Variants in PCDHGA3 observed in about 807,000 individuals in gnomAD.
The protein encoded by PCDHGA3 is protocadherin gamma subfamily A, 3, also known as protocadherin gamma-A3.
PCDHGA3 carries 40 observed loss-of-function variants against 58.5 expected under a neutral mutation model. That is an observed-to-expected ratio of 0.68 (90% CI 0.53 to 0.89). PCDHGA3 has a LOEUF of 0.89. Among genes scored for constraint, PCDHGA3 ranks in the 40% least tolerant of loss-of-function variants. The pLI is 0.00. For synonymous variants in PCDHGA3, 530 were observed against 525.7 expected, an observed-to-expected ratio of 1.01 and a Z score of -0.11; for missense variants, 1,223 against 1,195.9, an observed-to-expected ratio of 1.02 and a Z score of -0.33.
At chr5:141,386,678 G>T (rs1376452903) in intron 1 of PCDHGA3, among the ~76,000 whole-genome samples, 2 of 152,012 alleles carry the variant, frequency 1.3e-5, no homozygotes, top group African/African-American at 4.8e-5. Context: ...CATTTCAGAT[G>T]TACAATCACT....
chr5:141,491,845 G>A lies in PCDHGA3; in HGVS notation c.2425-2962G>A. 6.8e-7 allele frequency: 1 copy of A among 1,463,944 alleles called. No homozygotes were observed. The highest frequency in any genetic ancestry group is 9.0e-7 in the Non-Finnish European group (1 of 1,106,126). 90.7% of individuals were successfully genotyped at this position (1,463,944 alleles called of 1,614,324 possible). ...CTCCACCCGATTCTCGGGATCATTGGACCGTTTGCGCGAAACCAGAGTGGC... is the reference window on the plus strand; with the variant it reads ...CTCCACCCGATTCTCGGGATCATTGAACCGTTTGCGCGAAACCAGAGTGGC... On this transcript the variant is annotated intron_variant, in intron 1 of 3. Coordinates refer to ENST00000253812, the MANE Select transcript of PCDHGA3 (RefSeq NM_018916.4). This position sits in a 1 kb window ranked among gnomAD's most constrained non-coding sequence, Gnocchi z 6.9.
Position 141,344,578 on chromosome 5 carries a change from T to A in PCDHGA3, c.545T>A (p.Val182Glu). The A allele has an allele frequency of 6.2e-7, 1 of 1,614,006 alleles. No individual in the cohort carries two copies. The highest frequency in any genetic ancestry group is 8.5e-7 in the Non-Finnish European group (1 of 1,179,884). Reference sequence around the variant, plus strand: ...CCCAATGACTACTTCTCTCTGGCTGTGAATAGCGTCTCTGAGGGGGCCAAG... The same window carrying A: ...CCCAATGACTACTTCTCTCTGGCTGAGAATAGCGTCTCTGAGGGGGCCAAG... ...LSPNDYFSLAVNSVSEGAKYP... is the reference protein window; with the variant it reads ...LSPNDYFSLAENSVSEGAKYP... The change falls in exon 1 of 4, where the codon GTG becomes GAG. Residue 182 changes from valine to glutamate, a missense_variant. Val to Glu is a moderately radical substitution (Grantham distance 121, BLOSUM62 -2). Coordinates refer to ENST00000253812, the MANE Select transcript of PCDHGA3 (RefSeq NM_018916.4).
Position 141,431,948 on chromosome 5 carries a change from T to G in PCDHGA3, c.2425-62859T>G. ...AAATCTGCCCTTTAAATTAGAAAAA[T>G]CTTACGGAAATTACTATAGTTTAGT... is the stretch of plus-strand genomic sequence containing the variant. On this transcript the variant is annotated intron_variant, in intron 1 of 3. Transcript: ENST00000253812. The surrounding 1 kb of genome is among the most constrained non-coding windows in gnomAD (Gnocchi z 4.8). The G allele has an allele frequency of 6.2e-7, 1 of 1,614,076 alleles. No homozygotes were observed. The highest frequency in any genetic ancestry group is 8.5e-7 in the Non-Finnish European group (1 of 1,180,006).
chr5:141,394,292 G>A (rs1173905383), intron 1 of PCDHGA3: 18 of 1,613,852 alleles, frequency 1.1e-5, no homozygotes, highest in Non-Finnish European at 1.4e-5. Flanking sequence ...CTGTGACCGA[G>A]GACACGCTGC....
At chr5:141,419,886 G>C (rs1195529127) in intron 1 of PCDHGA3, 1 of 1,614,076 alleles carries the variant, frequency 6.2e-7, no homozygotes, top group Non-Finnish European at 8.5e-7. Context: ...CCGGATTTCA[G>C]CGACCATCCC....
intron 1 of PCDHGA3, chr5:141,372,737 A>G (rs1451601916): frequency 6.2e-7 from 1 of 1,613,388 alleles, no homozygotes; most frequent in African/African-American, 1.3e-5. Context: ...AAGATCTTCT[A>G]TGTGATGAAG....
intron 1 of PCDHGA3, chr5:141,424,460 C>T (rs2096822106): frequency 6.6e-6 from 1 of 152,056 alleles, no homozygotes; most frequent in African/African-American, 2.4e-5. Context: ...GTATTATTTC[C>T]TTTTATTCTT....
At chr5:141,371,849 C>A (rs1323132095) in intron 1 of PCDHGA3, 1 of 1,613,660 alleles carries the variant, frequency 6.2e-7, no homozygotes, top group East Asian at 2.2e-5. Flanking sequence ...GACCTAATGG[C>A]CTTGTCTCCT....
intron 3 of PCDHGA3, among the ~76,000 whole-genome samples, chr5:141,509,420 G>A (rs1384424118): frequency 6.6e-6 from 1 of 152,128 alleles, no homozygotes; most frequent in East Asian, 1.9e-4. Context: ...GAGCCCCAAT[G>A]AGTCAAACTC....
rs752604165 is a variant in PCDHGA3, at chr5:141,494,771, G to A, written c.2425-36G>A. On this transcript the variant is annotated intron_variant, in intron 1 of 3. Coordinates refer to ENST00000253812, the MANE Select transcript of PCDHGA3 (RefSeq NM_018916.4). ...CTCGGGTGACATTCTAACTTCTCAC[G>A]GGTACTCAGCCCCTTTCCCTCTGTT... 74 of 1,613,730 alleles carry A rather than the reference G, an allele frequency of 4.6e-5. No homozygotes were observed. The East Asian group carries it at 1.6e-3, about 36-fold the overall frequency.
At chr5:141,356,773 T>C in intron 1 of PCDHGA3, 1 of 1,613,940 alleles carries the variant, frequency 6.2e-7, no homozygotes, top group Non-Finnish European at 8.5e-7. Flanking sequence ...CTATGAGCAG[T>C]TTAGAGACCT....
chr5:141,510,323 C>A (rs1173679711), intron 3 of PCDHGA3, among the ~76,000 whole-genome samples: 1 of 151,234 alleles, frequency 6.6e-6, no homozygotes, highest in East Asian at 2.0e-4. Flanking sequence ...TGGAAGAGCA[C>A]TCTTCACCCC....
At chr5:141,374,307 T>A in intron 1 of PCDHGA3, 1 of 1,613,922 alleles carries the variant, frequency 6.2e-7, no homozygotes, top group Non-Finnish European at 8.5e-7. Context: ...ATGCAGCTTT[T>A]CTCTCTGAAT....
intron 1 of PCDHGA3, chr5:141,421,219 G>T (rs894586889): frequency 1.0e-5 from 16 of 1,573,208 alleles, no homozygotes; most frequent in Non-Finnish European, 1.3e-5. Context: ...TATCGGCTTA[G>T]AGCCTGCCAT....
intron 1 of PCDHGA3, chr5:141,375,606 A>T: frequency 6.2e-7 from 1 of 1,613,922 alleles, no homozygotes; most frequent in Non-Finnish European, 8.5e-7. Context: ...GTGTCCATCA[A>T]CTCCGACACT....
At position 141,361,013 on chromosome 5, in the gene PCDHGA3, A is replaced by G. The variant is rs185853995; in HGVS notation, c.2424+14556A>G. 4.3e-6 allele frequency: 7 copies of G among 1,613,268 alleles called. No individual in the cohort carries two copies. The East Asian group carries it at 1.6e-4, about 36-fold the overall frequency. On this transcript the variant is annotated intron_variant, in intron 1 of 3. Transcript: ENST00000253812. Reference sequence around the variant, plus strand: ...GACGAACAAGTGAAACACTTTTTCAACTTAAATGAAAAAACAGGAGAAATC... The same window carrying G: ...GACGAACAAGTGAAACACTTTTTCAGCTTAAATGAAAAAACAGGAGAAATC...
chr5:141,376,681 T>TTTTTTG, intron 1 of PCDHGA3: 1 of 745,704 alleles, frequency 1.3e-6, no homozygotes, highest in Non-Finnish European at 2.0e-6. Context: ...GTATCGTTTT[T>TTTTTTG]TTTTTTTTTT....
intron 1 of PCDHGA3, among the ~76,000 whole-genome samples, chr5:141,471,768 T>A (rs1203999329): frequency 6.6e-6 from 1 of 152,174 alleles, no homozygotes; most frequent in Non-Finnish European, 1.5e-5. Context: ...GGTCAAAAGA[T>A]GAGTTTGACA....
intron 1 of PCDHGA3, chr5:141,355,083 G>A: frequency 7.0e-7 from 1 of 1,436,492 alleles, no homozygotes; most frequent in South Asian, 1.5e-5. Flanking sequence ...GCTTCAAGCG[G>A]AAGCCCTGAG....
Sources: gnomAD v4.1 joint callset for allele counts (sites outside exome capture counted in the v4.1 genomes callset) on GRCh38, gnomAD v4.1.1 for gene constraint, Gnocchi (gnomAD v3.1) non-coding constraint, MANE v1.5 for transcripts, NCBI Gene and HGNC (gene_info 2026-07-23, HGNC 2026-07-21) for gene names.